The following PLCXD3 variants were observed in gnomAD, a reference collection of about 807,000 sequenced individuals.
PLCXD3 encodes the protein phosphatidylinositol specific phospholipase C X domain containing 3.
In PLCXD3, 19 loss-of-function variants were observed where a neutral mutation model predicts 25.5. The observed-to-expected ratio is 0.75, with a 90% CI of 0.52 to 1.09. PLCXD3 has a LOEUF of 1.09. Among genes scored for constraint, PLCXD3 ranks in the 50% least tolerant of loss-of-function variants. PLCXD3 has a pLI of 0.00. For missense variants in PLCXD3, 411 were observed against 388.1 expected (o/e 1.06, Z -0.50); for synonymous variants, 174 against 137.6 (o/e 1.26, Z -1.85).
intron 1 of PLCXD3, among the ~76,000 whole-genome samples, chr5:41,490,014 G>C (rs1378227560): frequency 5.9e-5 from 9 of 152,048 alleles, no homozygotes; most frequent in Admixed American, 4.6e-4. Context: ...TCTTGTGCCA[G>C]TTTTCAAAGG....
chr5:41,508,605 T>C (rs1738938503), intron 1 of PLCXD3, among the ~76,000 whole-genome samples: 1 of 152,146 alleles, frequency 6.6e-6, no homozygotes, highest in Non-Finnish European at 1.5e-5. Context: ...ATTACAGAAA[T>C]GTAAGGTAGA....
intron 2 of PLCXD3, among the ~76,000 whole-genome samples, chr5:41,356,229 G>A (rs758050659): frequency 2.0e-5 from 3 of 152,168 alleles, no homozygotes; most frequent in Non-Finnish European, 4.4e-5. Context: ...TTGCGCCACT[G>A]CACTCGAGCC....
chr5:41,357,926 G>A (rs1744664043), intron 2 of PLCXD3, among the ~76,000 whole-genome samples: 1 of 152,008 alleles, frequency 6.6e-6, no homozygotes. Flanking sequence ...TATTACAATA[G>A]GGTTCTATTT....
At chr5:41,357,110 T>C (rs941000549) in intron 2 of PLCXD3, among the ~76,000 whole-genome samples, 1 of 152,220 alleles carries the variant, frequency 6.6e-6, no homozygotes, top group Non-Finnish European at 1.5e-5. Flanking sequence ...GCTGGGTCAC[T>C]TGATGTATTT....
chr5:41,325,173 A>G (rs1009409650), intron 2 of PLCXD3, among the ~76,000 whole-genome samples: 2 of 152,240 alleles, frequency 1.3e-5, no homozygotes, highest in African/African-American at 4.8e-5. Flanking sequence ...TTTCAAAATA[A>G]CTTGTAGTCC....
At chr5:41,328,282 A>T (rs931535786) in intron 2 of PLCXD3, among the ~76,000 whole-genome samples, 1 of 152,172 alleles carries the variant, frequency 6.6e-6, no homozygotes, top group African/African-American at 2.4e-5. Context: ...TCACTGAGTG[A>T]CAGCCTGTCA....
At chr5:41,505,382 A>T (rs1037832620) in intron 1 of PLCXD3, among the ~76,000 whole-genome samples, 1 of 152,210 alleles carries the variant, frequency 6.6e-6, no homozygotes, top group Admixed American at 6.5e-5. Context: ...TACAAACAAG[A>T]TAGGTCATTT....
intron 1 of PLCXD3, among the ~76,000 whole-genome samples, chr5:41,387,349 C>T (rs1400032909): frequency 6.6e-6 from 1 of 152,054 alleles, no homozygotes; most frequent in Non-Finnish European, 1.5e-5. Flanking sequence ...AATTCATATC[C>T]ATCGTCCTTA....
chr5:41,481,779 G>A (rs766504508), intron 1 of PLCXD3, among the ~76,000 whole-genome samples: 5 of 152,190 alleles, frequency 3.3e-5, no homozygotes, highest in Non-Finnish European at 5.9e-5. Flanking sequence ...TTGCCCTCTG[G>A]GATGAGCCCC....
intron 2 of PLCXD3, among the ~76,000 whole-genome samples, chr5:41,342,083 G>A (rs1050495937): frequency 6.6e-6 from 1 of 152,166 alleles, no homozygotes; most frequent in South Asian, 2.1e-4. Flanking sequence ...GAAAGGATTT[G>A]TTACTTTTGG....
chr5:41,472,722 G>T (rs1748191903), intron 1 of PLCXD3, among the ~76,000 whole-genome samples: 1 of 152,186 alleles, frequency 6.6e-6, no homozygotes, highest in Admixed American at 6.5e-5. Flanking sequence ...TGGTTTGAAG[G>T]TGATGGTATT....
intron 1 of PLCXD3, among the ~76,000 whole-genome samples, chr5:41,472,390 C>A (rs2150520418): frequency 6.6e-6 from 1 of 152,242 alleles, no homozygotes; most frequent in African/African-American, 2.4e-5. Context: ...CATTCTCTAA[C>A]TATACTGTTT....
chr5:41,420,287 T>A (rs1746789446), intron 1 of PLCXD3, among the ~76,000 whole-genome samples: 1 of 152,172 alleles, frequency 6.6e-6, no homozygotes, highest in Non-Finnish European at 1.5e-5. Flanking sequence ...TAAATTGGTC[T>A]TATTTGAGAT....
rs537463973 is a variant in PLCXD3 at position 41,496,837 on chromosome 5, G to A, written c.103+13587C>T. ...GATATGTAAATCATTTTCAATTCAG[G>A]TATAAGAGTTAAAAGACAAGAATGT... On this transcript the variant is annotated intron_variant, in intron 1 of 2. Coordinates refer to ENST00000377801, the MANE Select transcript of PLCXD3 (RefSeq NM_001005473.3). Among the ~76,000 whole-genome samples the A allele has an allele frequency of 8.6e-5, 13 of 151,694 alleles. No homozygotes were observed. The East Asian group carries it at 2.5e-3, about 29-fold the overall frequency.
chr5:41,368,807 G>A (rs318839), intron 2 of PLCXD3, among the ~76,000 whole-genome samples: 110,528 of 152,074 alleles, frequency 0.73, 40,781 homozygotes, highest in Non-Finnish European at 0.79. Flanking sequence ...TGTGCTTTTT[G>A]TCTTTAGTTC....
intron 2 of PLCXD3, among the ~76,000 whole-genome samples, chr5:41,378,178 C>A (rs879334588): frequency 5.9e-5 from 9 of 152,092 alleles, no homozygotes; most frequent in Non-Finnish European, 1.0e-4. Context: ...TTTTGCAAGG[C>A]ATGACCCCAG....
intron 1 of PLCXD3, among the ~76,000 whole-genome samples, chr5:41,437,957 A>T (rs1486444308): frequency 2.6e-5 from 4 of 152,208 alleles, no homozygotes; most frequent in African/African-American, 9.6e-5. Context: ...ACTATAGTAC[A>T]TTCCCCAGCC....
At chr5:41,445,409 G>A (rs563882341) in intron 1 of PLCXD3, among the ~76,000 whole-genome samples, 3 of 152,248 alleles carry the variant, frequency 2.0e-5, no homozygotes, top group South Asian at 2.1e-4. Context: ...CAAATAAAAC[G>A]AGTATCATTC....
At chr5:41,345,441 T>C (rs1384493586) in intron 2 of PLCXD3, among the ~76,000 whole-genome samples, 1 of 152,202 alleles carries the variant, frequency 6.6e-6, no homozygotes, top group Non-Finnish European at 1.5e-5. Flanking sequence ...GGGTCTGGTT[T>C]ATCTAACGTT....
Sources: allele counts gnomAD v4.1 joint callset (sites outside exome capture counted in the v4.1 genomes callset), GRCh38; gene constraint gnomAD v4.1.1; transcripts MANE v1.5; gene names NCBI Gene and HGNC (gene_info 2026-07-23, HGNC 2026-07-21).